Variants in ARL8B observed in about 807,000 individuals in gnomAD.
The protein encoded by ARL8B is ADP-ribosylation factor-like protein 8B.
Under a neutral mutation model 30.6 loss-of-function variants are expected in ARL8B, and 9 were observed. The ratio of observed to expected loss-of-function variants is 0.29; its 90% CI spans 0.18 to 0.51. The LOEUF (loss-of-function observed/expected upper bound fraction) is 0.51. Among genes scored for constraint, ARL8B ranks in the 20% least tolerant of loss-of-function variants. The probability of loss-of-function intolerance (pLI) is 0.97; values close to 1 mark genes in which losing one functional copy is unlikely to be tolerated. For synonymous variants in ARL8B, 74 were observed against 76.0 expected, an observed-to-expected ratio of 0.97 and a Z score of 0.14; for missense variants, 130 against 227.2, an observed-to-expected ratio of 0.57 and a Z score of 2.75.
chr3:5,158,817 C>T (rs2054554397), intron 1 of ARL8B, among the ~76,000 whole-genome samples: 1 of 150,976 alleles, frequency 6.6e-6, no homozygotes, highest in Non-Finnish European at 1.5e-5. Flanking sequence ...TTTATTAGTC[C>T]CTTGATTCTG....
chr3:5,149,527 C>G (rs1222410530), intron 1 of ARL8B, among the ~76,000 whole-genome samples: 2 of 152,214 alleles, frequency 1.3e-5, no homozygotes, highest in African/African-American at 4.8e-5. Flanking sequence ...GCACACAAGT[C>G]CCTCCCCCAG....
At chr3:5,171,468 C>T (rs1170167812) in intron 2 of ARL8B, among the ~76,000 whole-genome samples, 2 of 152,168 alleles carry the variant, frequency 1.3e-5, no homozygotes, top group Middle Eastern at 3.4e-3. Context: ...TCTCCTGCCT[C>T]AGCCTCCCGA....
chr3:5,159,557 G>A (rs1395443468), intron 1 of ARL8B, among the ~76,000 whole-genome samples: 2 of 138,072 alleles, frequency 1.4e-5, no homozygotes, highest in Non-Finnish European at 3.0e-5. Context: ...AGCTGAGATC[G>A]CGCCATTGCA....
intron 1 of ARL8B, among the ~76,000 whole-genome samples, chr3:5,150,234 A>AGG (rs2054468011): frequency 1.3e-5 from 2 of 152,070 alleles, no homozygotes; most frequent in African/African-American, 4.8e-5. Context: ...AGGCTGAGGC[A>AGG]GGGGGATCAC....
At chr3:5,174,219 A>G (rs1575575869) in intron 5 of ARL8B, 125 bp from the exon 6 acceptor site, 1 of 1,088,098 alleles carries the variant, frequency 9.2e-7, no homozygotes, top group African/African-American at 1.6e-5. Context: ...AGTGAATCCT[A>G]ACATTTTAGG....
chr3:5,174,172 AT>A (rs1434323393), intron 5 of ARL8B, 88 bp downstream of exon 5: 119 of 1,273,390 alleles, frequency 9.3e-5, no homozygotes, highest in Middle Eastern at 1.9e-4. Flanking sequence ...GATCATAGCC[AT>A]TTTTTTTAGG....
In ARL8B at chr3:5,137,474, A is replaced by G. The variant is rs149138781; in HGVS notation, c.123+14886A>G. On this transcript the variant is annotated intron_variant, in intron 1 of 6. Transcript: ENST00000256496. The stretch of plus-strand genomic sequence containing the variant: ...TTTTTTTGAGATGGAGTCTCACTCT[A>G]TCACCCAGGCTGGAGTTCAGTAGTT... Among the ~76,000 whole-genome samples the G allele has an allele frequency of 2.4e-3, 323 of 135,692 alleles. 1 individual carries two copies. Among genetic ancestry groups the G allele is most frequent in the Middle Eastern group, 8.9e-3 (2 of 224 alleles). 89.0% of individuals were successfully genotyped at this position (135,692 alleles called of 152,430 possible).
chr3:5,149,670 C>G (rs1422266095), intron 1 of ARL8B, among the ~76,000 whole-genome samples: 1 of 152,190 alleles, frequency 6.6e-6, no homozygotes, highest in Non-Finnish European at 1.5e-5. Flanking sequence ...ACTTTCTTTC[C>G]TTTTATGGGC....
intron 1 of ARL8B, among the ~76,000 whole-genome samples, chr3:5,123,787 T>C (rs2054204255): frequency 6.6e-6 from 1 of 152,214 alleles, no homozygotes; most frequent in Non-Finnish European, 1.5e-5. Context: ...AAAAAGAGAT[T>C]AGCAGAAACC....
intron 4 of ARL8B, among the ~76,000 whole-genome samples, 178 bp from the exon 5 acceptor site, chr3:5,173,839 G>C (rs1462629654): frequency 6.6e-6 from 1 of 152,250 alleles, no homozygotes; most frequent in Non-Finnish European, 1.5e-5. Context: ...GGTGGGAGTT[G>C]AGTGAATACA....
At chr3:5,145,963 A>C (rs1294203209) in intron 1 of ARL8B, among the ~76,000 whole-genome samples, 1 of 152,104 alleles carries the variant, frequency 6.6e-6, no homozygotes, top group African/African-American at 2.4e-5. Context: ...CTAGGAAATT[A>C]TTATAGTGGT....
rs569199825 is a variant in ARL8B at position 5,142,773 on chromosome 3, C to T, written c.123+20185C>T. Among the ~76,000 whole-genome samples, 3 of 152,172 alleles carry T rather than the reference C, an allele frequency of 2.0e-5. No individual in the cohort carries two copies. In the South Asian group the frequency reaches 6.2e-4, roughly 32 times the overall value. On this transcript the variant is annotated intron_variant, in intron 1 of 6. Coordinates refer to ENST00000256496, the MANE Select transcript of ARL8B (RefSeq NM_018184.3). ...TTTTATTAGTTTGAGAACAAATCAC[C>T]CTATGGGGTCTTTCCCTGTGATGTC...
chr3:5,147,127 C>T (rs1035695771), intron 1 of ARL8B, among the ~76,000 whole-genome samples: 1 of 151,898 alleles, frequency 6.6e-6, no homozygotes, highest in Non-Finnish European at 1.5e-5. Context: ...CACCCACTAA[C>T]CGGTCATTTA....
In ARL8B at chr3:5,133,183, A is replaced by T. The variant is rs546078531; in HGVS notation, c.123+10595A>T. ...AAATTTTTTTGTTGGTTTAGGCATA[A>T]CCTTAGTGAAGGAAAAAGAAACAAA... On this transcript the variant is annotated intron_variant, in intron 1 of 6. Coordinates refer to ENST00000256496, the MANE Select transcript of ARL8B (RefSeq NM_018184.3). 2.0e-5 allele frequency among the ~76,000 whole-genome samples: 3 copies of T among 151,028 alleles called. No individual in the cohort carries two copies. In the South Asian group the frequency reaches 6.3e-4, roughly 32 times the overall value.
intron 1 of ARL8B, among the ~76,000 whole-genome samples, chr3:5,129,512 T>A (rs1180875546): frequency 6.6e-6 from 1 of 152,172 alleles, no homozygotes; most frequent in African/African-American, 2.4e-5. Context: ...CTTTTTATAT[T>A]TCAGCAACTG....
intron 1 of ARL8B, among the ~76,000 whole-genome samples, chr3:5,124,788 A>G (rs1041071766): frequency 6.6e-6 from 1 of 152,202 alleles, no homozygotes; most frequent in East Asian, 1.9e-4. Flanking sequence ...TATGGAAAAG[A>G]TGAGGCATAA....
intron 1 of ARL8B, among the ~76,000 whole-genome samples, chr3:5,151,076 A>T (rs976343452): frequency 6.6e-6 from 1 of 151,358 alleles, no homozygotes; most frequent in African/African-American, 2.4e-5. Context: ...ATTTTTATTT[A>T]TTTTCCTTTG....
chr3:5,172,838 A>T (rs150214899), intron 4 of ARL8B, 98 bp downstream of exon 4: 1 of 819,880 alleles, frequency 1.2e-6, no homozygotes, highest in African/African-American at 1.7e-5. Context: ...AATCAGTAAC[A>T]TGTCTTCATT....
At chr3:5,130,323 C>T (rs1462800140) in intron 1 of ARL8B, among the ~76,000 whole-genome samples, 1 of 151,940 alleles carries the variant, frequency 6.6e-6, no homozygotes, top group Non-Finnish European at 1.5e-5. Context: ...CCACGCCTGC[C>T]CCTGAGAACA....
Sources: gnomAD v4.1 joint callset for allele counts (sites outside exome capture counted in the v4.1 genomes callset) on GRCh38, gnomAD v4.1.1 for gene constraint, MANE v1.5 for transcripts, NCBI Gene and HGNC (gene_info 2026-07-23, HGNC 2026-07-21) for gene names.